The following MBOAT1 variants were observed in gnomAD, a reference collection of about 807,000 sequenced individuals.
MBOAT1 encodes the protein membrane-bound glycerophospholipid O-acyltransferase 1.
In MBOAT1, 67 loss-of-function variants were observed where a neutral mutation model predicts 64.4. The ratio of observed to expected loss-of-function variants is 1.04; its 90% CI spans 0.85 to 1.27. The LOEUF (loss-of-function observed/expected upper bound fraction) is 1.27. Among genes scored for constraint, MBOAT1 ranks in the 50% most tolerant of loss-of-function variants. MBOAT1 has a pLI of 0.00. For missense variants in MBOAT1, 563 were observed against 604.6 expected (o/e 0.93, Z 0.72); for synonymous variants, 229 against 218.9 (o/e 1.05, Z -0.41).
intron 1 of MBOAT1, among the ~76,000 whole-genome samples, chr6:20,154,488 G>A (rs559454084): frequency 5.3e-5 from 8 of 151,918 alleles, no homozygotes; most frequent in South Asian, 2.1e-4. Flanking sequence ...AGCTGAGATC[G>A]CACCACTGCA....
At chr6:20,182,780 T>C (rs1411487013) in intron 1 of MBOAT1, among the ~76,000 whole-genome samples, 1 of 152,164 alleles carries the variant, frequency 6.6e-6, no homozygotes, top group Admixed American at 6.5e-5. Flanking sequence ...CTCAGGTCCA[T>C]ATCGACACCT....
At chr6:20,173,925 A>G (rs1762271450) in intron 1 of MBOAT1, among the ~76,000 whole-genome samples, 2 of 152,272 alleles carry the variant, frequency 1.3e-5, no homozygotes, top group African/African-American at 4.8e-5. Flanking sequence ...ACTCCAGCCT[A>G]GGCAACAGAG....
intron 5 of MBOAT1, among the ~76,000 whole-genome samples, chr6:20,129,955 T>G (rs2113657962): frequency 6.6e-6 from 1 of 152,308 alleles, no homozygotes; most frequent in South Asian, 2.1e-4. Flanking sequence ...ATCCTTGGTA[T>G]AAAACTACCT....
At chr6:20,180,384 C>G (rs779937089) in intron 1 of MBOAT1, among the ~76,000 whole-genome samples, 2 of 146,706 alleles carry the variant, frequency 1.4e-5, no homozygotes, top group Non-Finnish European at 2.9e-5. Flanking sequence ...TTCCACTCAC[C>G]CTTGCCCTCA....
chr6:20,212,162 C>T lies in MBOAT1; in HGVS notation c.73G>A (p.Glu25Lys). 2.5e-6 allele frequency: 4 copies of T among 1,613,624 alleles called. No individual in the cohort carries two copies. The highest frequency in any genetic ancestry group is 3.4e-6 in the Non-Finnish European group (4 of 1,179,874). Reference protein sequence around the residue: ...TGSTYLHPLSELLGIPLDQVN... With the variant: ...TGSTYLHPLSKLLGIPLDQVN... ...TGGTCCAGCGGGATGCCCAGGAGCT[C>T]GCTGAGCGGGTGCAGGTAGGTGGAG... The change falls in exon 1 of 13, where the codon GAG (glutamate) becomes AAG (lysine). Residue 25 changes from glutamate to lysine, a missense_variant. Transcript: ENST00000324607.
intron 1 of MBOAT1, among the ~76,000 whole-genome samples, chr6:20,199,198 G>A (rs553459996): frequency 5.3e-5 from 8 of 152,196 alleles, no homozygotes; most frequent in Non-Finnish European, 7.4e-5. Context: ...TGCTTGATTC[G>A]GGAATCATTT....
chr6:20,132,826 C>T (rs6938829), intron 4 of MBOAT1, among the ~76,000 whole-genome samples: 5 of 152,088 alleles, frequency 3.3e-5, no homozygotes, highest in South Asian at 2.1e-4. Context: ...ATATCTGATA[C>T]GGGACTTTAC....
intron 12 of MBOAT1, among the ~76,000 whole-genome samples, chr6:20,106,358 G>C (rs1759956445): frequency 6.6e-6 from 1 of 151,960 alleles, no homozygotes; most frequent in Non-Finnish European, 1.5e-5. Flanking sequence ...AATCCTCAAG[G>C]GCCACACATG....
chr6:20,100,211 C>A lies in MBOAT1; in HGVS notation c.*2075G>T, dbSNP rs1391838258. Among the ~76,000 whole-genome samples the A allele has an allele frequency of 6.6e-6, 1 of 152,230 alleles. No individual in the cohort carries two copies. Among genetic ancestry groups the A allele is most frequent in the African/African-American group, 2.4e-5 (1 of 41,458 alleles). ...ATACTTACATTACATACAGTGAAAC[C>A]TGATCATCAATCACATTGTAAATTC... On this transcript the variant is annotated 3_prime_UTR_variant, in exon 13 of 13. Transcript: ENST00000324607.
chr6:20,168,500 AG>A lies in MBOAT1; in HGVS notation c.100-15732del, dbSNP rs143648560. 5.9e-3 allele frequency among the ~76,000 whole-genome samples: 647 copies of A among 109,110 alleles called. 4 individuals carry two copies. The highest frequency in any genetic ancestry group is 9.5e-3 in the Non-Finnish European group (519 of 54,496). The allele number at this position is 109,110 out of a possible 152,430, so 71.6% of individuals were successfully genotyped here. ...GAGACAGAGACAGAGACAGAGAGAG[AG>A]AGAGAGGAGAGGAGAGGAGAGGAGA... On this transcript the variant is annotated intron_variant, in intron 1 of 12. Coordinates refer to ENST00000324607, the MANE Select transcript of MBOAT1 (RefSeq NM_001080480.3).
chr6:20,188,337 A>G (rs920924557), intron 1 of MBOAT1, among the ~76,000 whole-genome samples: 2 of 152,200 alleles, frequency 1.3e-5, no homozygotes, highest in Non-Finnish European at 2.9e-5. Context: ...CATACATAGC[A>G]TACTTACACC....
At chr6:20,133,140 G>A (rs1372590991) in intron 4 of MBOAT1, among the ~76,000 whole-genome samples, 5 of 152,148 alleles carry the variant, frequency 3.3e-5, no homozygotes, top group Admixed American at 6.5e-5. Context: ...AATGGCCAGC[G>A]TTCATTATTT....
intron 3 of MBOAT1, 135 bp from the exon 4 acceptor site, chr6:20,144,450 G>A (rs563757750): frequency 6.5e-6 from 4 of 613,514 alleles, no homozygotes; most frequent in South Asian, 3.8e-5. Flanking sequence ...GACATCCCAG[G>A]CCACCTTTCC....
intron 1 of MBOAT1, among the ~76,000 whole-genome samples, chr6:20,187,921 G>A (rs1212432524): frequency 6.6e-6 from 1 of 152,166 alleles, no homozygotes; most frequent in African/African-American, 2.4e-5. Flanking sequence ...GACCCCAGGA[G>A]GTCAAGGCTG....
chr6:20,148,324 G>A (rs1041568913), intron 3 of MBOAT1, among the ~76,000 whole-genome samples: 3 of 152,198 alleles, frequency 2.0e-5, no homozygotes, highest in South Asian at 2.1e-4. Flanking sequence ...GGCTGAGGCA[G>A]GAGAATCACT....
Position 20,205,794 on chromosome 6 carries a change from A to G in MBOAT1, c.99+6342T>C, listed in dbSNP as rs1763245606. On this transcript the variant is annotated intron_variant, in intron 1 of 12. Transcript: ENST00000324607. ...CACCTGCTAACAGCAAGCTCTTCAG[A>G]ACCACAGAGGAACTTTCCACCACAT... is the stretch of plus-strand genomic sequence containing the variant. Among the ~76,000 whole-genome samples, 3 of 152,084 alleles carry G rather than the reference A, an allele frequency of 2.0e-5. No homozygotes were observed. The South Asian group carries it at 6.2e-4, about 31-fold the overall frequency.
At chr6:20,125,924 G>A (rs550506014) in intron 7 of MBOAT1, 6 of 430,152 alleles carry the variant, frequency 1.4e-5, no homozygotes, top group Non-Finnish European at 2.3e-5. Flanking sequence ...TAGGATATTT[G>A]ACCTGAATAA....
intron 3 of MBOAT1, 152 bp from the exon 4 acceptor site, chr6:20,144,467 T>G (rs1561761163): frequency 1.7e-6 from 1 of 586,720 alleles, no homozygotes; most frequent in East Asian, 2.9e-5. Context: ...TTCCACCCAC[T>G]ACTCTAGCTG....
intron 4 of MBOAT1, among the ~76,000 whole-genome samples, chr6:20,138,115 T>C (rs1761054417): frequency 1.3e-5 from 2 of 152,166 alleles, no homozygotes; most frequent in Admixed American, 1.3e-4. Flanking sequence ...GGATGTTAAC[T>C]GACATTACCC....
Sources: gnomAD v4.1 joint callset for allele counts (sites outside exome capture counted in the v4.1 genomes callset) on GRCh38, gnomAD v4.1.1 for gene constraint, MANE v1.5 for transcripts, NCBI Gene and HGNC (gene_info 2026-07-23, HGNC 2026-07-21) for gene names.